ADGRL3: variants seen among roughly 807,000 people sequenced by gnomAD.
The protein encoded by ADGRL3 is adhesion G protein-coupled receptor L3.
Under a neutral mutation model 153.5 loss-of-function variants are expected in ADGRL3, and 62 were observed. That is an observed-to-expected ratio of 0.40 (90% CI 0.33 to 0.50). The LOEUF is 0.50. ADGRL3 is among the 20% of genes least tolerant of loss of function. The pLI, the probability that ADGRL3 is intolerant of heterozygous loss-of-function variation, is 0.47. For missense variants in ADGRL3, 1,641 were observed against 1,859.4 expected (o/e 0.88, Z 2.16); for synonymous variants, 710 against 672.5 (o/e 1.06, Z -0.86).
intron 8 of ADGRL3, among the ~76,000 whole-genome samples, chr4:61,738,007 T>C (rs1459041596): frequency 6.6e-6 from 1 of 152,040 alleles, no homozygotes; most frequent in Non-Finnish European, 1.5e-5. Context: ...TGGTGATTTG[T>C]GAGATTTTGG....
intron 1 of ADGRL3, among the ~76,000 whole-genome samples, chr4:61,302,837 A>G (rs2094624259): frequency 6.6e-6 from 1 of 152,182 alleles, no homozygotes; most frequent in African/African-American, 2.4e-5. Context: ...GATATTAATG[A>G]ATCATTTTTG....
intron 6 of ADGRL3, among the ~76,000 whole-genome samples, chr4:61,722,876 C>T (rs1341896584): frequency 6.6e-6 from 1 of 152,106 alleles, no homozygotes; most frequent in African/African-American, 2.4e-5. Flanking sequence ...TACTTTCAGC[C>T]TCCAAACTCT....
chr4:61,560,655 TA>T (rs5858714), intron 4 of ADGRL3, among the ~76,000 whole-genome samples: 50,910 of 143,236 alleles, frequency 0.36, 9,204 homozygotes, highest in East Asian at 0.54. Context: ...TTTATTTATT[TA>T]TTTTTTTTGC....
At chr4:62,002,266 C>T (rs988909544) in intron 21 of ADGRL3, among the ~76,000 whole-genome samples, 4 of 146,826 alleles carry the variant, frequency 2.7e-5, no homozygotes, top group Non-Finnish European at 6.0e-5. Flanking sequence ...ATCTAGTTGC[C>T]GTTGTCTTTC....
intron 9 of ADGRL3, among the ~76,000 whole-genome samples, chr4:61,861,918 A>G (rs925219161): frequency 6.6e-6 from 1 of 152,130 alleles, no homozygotes; most frequent in African/African-American, 2.4e-5. Context: ...TGACTTCACA[A>G]CACAGCTTCT....
At position 61,314,770 on chromosome 4, in the gene ADGRL3, T is replaced by C. The variant is rs746134692; in HGVS notation, c.-239-68354T>C. ...GGCTGAAGGTGGTAATACTGGAATC[T>C]AGTGAGTACAGTTCAGGAAGGCTGC... On this transcript the variant is annotated intron_variant, in intron 1 of 26. Transcript: ENST00000683033. Among the ~76,000 whole-genome samples the C allele has an allele frequency of 9.5e-4, 145 of 152,306 alleles. 4 individuals are homozygous for C. The highest frequency in any genetic ancestry group is 3.4e-3 in the Middle Eastern group (1 of 294).
chr4:61,220,778 T>A (rs565355069), intron 1 of ADGRL3, among the ~76,000 whole-genome samples: 3 of 152,326 alleles, frequency 2.0e-5, no homozygotes, highest in African/African-American at 7.2e-5. Flanking sequence ...TATCTCTGAC[T>A]TATTCTGAAA....
At chr4:61,400,224 G>A (rs2096913474) in intron 2 of ADGRL3, among the ~76,000 whole-genome samples, 1 of 151,810 alleles carries the variant, frequency 6.6e-6, no homozygotes, top group East Asian at 1.9e-4. Context: ...GAAGAAACAA[G>A]TGTAGTAATT....
chr4:62,010,128 A>G (rs184898749), intron 21 of ADGRL3, among the ~76,000 whole-genome samples: 2 of 152,122 alleles, frequency 1.3e-5, no homozygotes, highest in Admixed American at 1.3e-4. Context: ...TGGAGGTTTT[A>G]TCACATAGGC....
At position 61,503,387 on chromosome 4, in the gene ADGRL3, T is replaced by G. The variant is rs141976003; in HGVS notation, c.55+6039T>G. Among the ~76,000 whole-genome samples the G allele has an allele frequency of 5.7e-4, 87 of 152,264 alleles. No individual in the cohort carries two copies. The East Asian group carries it at 0.013, about 22-fold the overall frequency. On this transcript the variant is annotated intron_variant, in intron 3 of 26. Transcript: ENST00000683033. ...ATTTATCCTATTTTTTATATTTCTT[T>G]GTCTGTGGTGGACTCTGACTTCTGT... is the stretch of plus-strand genomic sequence containing the variant.
chr4:61,300,563 A>G (rs1193178815), intron 1 of ADGRL3, among the ~76,000 whole-genome samples: 1 of 152,138 alleles, frequency 6.6e-6, no homozygotes. Flanking sequence ...TAAGGAAAAG[A>G]AATGCTCAGA....
rs371718069 is a variant in ADGRL3 at position 61,934,859 on chromosome 4, A to G, written c.2132A>G (p.Asn711Ser). 4.8e-5 allele frequency: 78 copies of G among 1,613,552 alleles called. No homozygotes were observed. The highest frequency in any genetic ancestry group is 2.5e-4 in the Admixed American group (15 of 59,884). The change falls in exon 14 of 27, where the codon AAC becomes AGC. Residue 711 changes from asparagine (N) to serine (S), a missense_variant. This residue lies in a region of ADGRL3 where 734 missense variants were observed against 797.0 expected (regional missense o/e 0.92). Transcript: ENST00000683033. ...TTGTAGGCAATGGTCGAGACAGTTA[A>G]CAACCTCCTTCAGCCACAAGCTTTG... ...AYVQAMVETV[N>S]NLLQPQALNA...
At chr4:61,804,920 C>T (rs1264612330) in intron 8 of ADGRL3, among the ~76,000 whole-genome samples, 2 of 143,188 alleles carry the variant, frequency 1.4e-5, no homozygotes, top group Admixed American at 7.0e-5. Flanking sequence ...GTTTCCTGTG[C>T]CTTTATTTAT....
chr4:61,638,223 A>T (rs2093513316), intron 5 of ADGRL3, among the ~76,000 whole-genome samples: 1 of 152,226 alleles, frequency 6.6e-6, no homozygotes, highest in Non-Finnish European at 1.5e-5. Context: ...GGGACAAACT[A>T]GTGATGCATG....
intron 8 of ADGRL3, among the ~76,000 whole-genome samples, chr4:61,797,464 T>C (rs1410106609): frequency 1.3e-5 from 2 of 152,188 alleles, no homozygotes; most frequent in Non-Finnish European, 2.9e-5. Flanking sequence ...AGACTTGGTT[T>C]CCTCTCCGAT....
At chr4:61,663,517 A>T (rs1359745159) in intron 5 of ADGRL3, among the ~76,000 whole-genome samples, 2 of 152,030 alleles carry the variant, frequency 1.3e-5, no homozygotes, top group Non-Finnish European at 2.9e-5. Flanking sequence ...TTGCTCACAG[A>T]CCCCTCACCA....
intron 8 of ADGRL3, among the ~76,000 whole-genome samples, chr4:61,751,028 C>A (rs1450122739): frequency 6.6e-6 from 1 of 152,112 alleles, no homozygotes; most frequent in Non-Finnish European, 1.5e-5. Flanking sequence ...AGCTCCGCCT[C>A]CTGTCAGATC....
intron 19 of ADGRL3, among the ~76,000 whole-genome samples, chr4:61,988,902 C>G (rs565427121): frequency 2.1e-4 from 32 of 151,986 alleles, no homozygotes; most frequent in Non-Finnish European, 3.7e-4. Context: ...TTCTTGAGTC[C>G]TAGAAGAATA....
rs145850890 is a variant in ADGRL3 at position 61,532,950 on chromosome 4, C to G, written c.259+15432C>G. ...TGGAAAAGGAGGACTGGATTATGTTCAGCTTCTTTCTTTTAGATATTAAGA... is the reference window on the plus strand; with the variant it reads ...TGGAAAAGGAGGACTGGATTATGTTGAGCTTCTTTCTTTTAGATATTAAGA... On this transcript the variant is annotated intron_variant, in intron 4 of 26. Coordinates refer to ENST00000683033, the MANE Select transcript of ADGRL3 (RefSeq NM_001387552.1). Among the ~76,000 whole-genome samples the G allele has an allele frequency of 3.3e-5, 5 of 152,128 alleles. No individual in the cohort carries two copies. The East Asian group carries it at 9.7e-4, about 30-fold the overall frequency.
Sources: gnomAD v4.1 joint callset for allele counts (sites outside exome capture counted in the v4.1 genomes callset) on GRCh38, gnomAD v4.1.1 for gene constraint, gnomAD v4.1.1 regional missense constraint, MANE v1.5 for transcripts, NCBI Gene and HGNC (gene_info 2026-07-23, HGNC 2026-07-21) for gene names.